Variants in CLSTN2 observed in about 807,000 individuals in gnomAD.
The protein encoded by CLSTN2 is calsyntenin-2.
Under a neutral mutation model 101.2 loss-of-function variants are expected in CLSTN2, and 48 were observed. That is an observed-to-expected ratio of 0.47 (90% confidence interval 0.38 to 0.60). The LOEUF is 0.60. Among genes scored for constraint, CLSTN2 ranks in the 20% least tolerant of loss-of-function variants. The pLI is 0.00. For missense variants in CLSTN2, 1,160 were observed against 1,238.2 expected (o/e 0.94, Z 0.95); for synonymous variants, 481 against 463.6 (o/e 1.04, Z -0.48).
chr3:140,137,949 G>C (rs1014197326), intron 1 of CLSTN2, among the ~76,000 whole-genome samples: 4 of 152,184 alleles, frequency 2.6e-5, no homozygotes, highest in South Asian at 2.1e-4. Flanking sequence ...TTGTGGGCTT[G>C]CTTGCTGTTT....
chr3:140,177,846 G>T (rs2010347983), intron 2 of CLSTN2, among the ~76,000 whole-genome samples: 1 of 152,002 alleles, frequency 6.6e-6, no homozygotes, highest in Non-Finnish European at 1.5e-5. Context: ...CAGGATTATG[G>T]TTTATCTTGA....
chr3:140,367,511 C>CAAA (rs34398474), intron 2 of CLSTN2, among the ~76,000 whole-genome samples: 3 of 96,820 alleles, frequency 3.1e-5, no homozygotes, highest in African/African-American at 1.2e-4. Context: ...CACTTTGTCT[C>CAAA]AAAAAAAAAA....
At chr3:140,329,997 T>C (rs911298708) in intron 2 of CLSTN2, among the ~76,000 whole-genome samples, 2 of 152,182 alleles carry the variant, frequency 1.3e-5, no homozygotes, top group Non-Finnish European at 2.9e-5. Flanking sequence ...GCACCTTTAT[T>C]GTTTAGGGCT....
intron 10 of CLSTN2, among the ~76,000 whole-genome samples, chr3:140,555,421 T>C (rs1208293468): frequency 2.6e-5 from 4 of 152,166 alleles, no homozygotes; most frequent in Non-Finnish European, 5.9e-5. Context: ...AATTTACCAC[T>C]AAGAAACTAA....
intron 1 of CLSTN2, among the ~76,000 whole-genome samples, chr3:140,066,869 A>T (rs760714923): frequency 7.2e-5 from 11 of 152,184 alleles, no homozygotes; most frequent in Non-Finnish European, 1.0e-4. Context: ...CTTTGCTGTG[A>T]TCTCCCTGGA....
At chr3:140,220,046 T>C (rs1362884623) in intron 2 of CLSTN2, among the ~76,000 whole-genome samples, 1 of 152,220 alleles carries the variant, frequency 6.6e-6, no homozygotes, top group Admixed American at 6.5e-5. Flanking sequence ...AGAGCCTGGG[T>C]TCAAATCTAG....
chr3:140,026,124 T>C (rs1045197170), intron 1 of CLSTN2, among the ~76,000 whole-genome samples: 2 of 152,146 alleles, frequency 1.3e-5, no homozygotes, highest in African/African-American at 2.4e-5. Flanking sequence ...TGAGTTCTGT[T>C]TGATGAATTC....
At chr3:139,963,093 T>TGAG (rs1049025983) in intron 1 of CLSTN2, among the ~76,000 whole-genome samples, 2 of 152,124 alleles carry the variant, frequency 1.3e-5, no homozygotes, top group African/African-American at 2.4e-5. Context: ...AAGATGAGAA[T>TGAG]GAGGAGGAGG....
chr3:140,492,441 A>G (rs1026359561), intron 8 of CLSTN2, among the ~76,000 whole-genome samples: 5 of 152,252 alleles, frequency 3.3e-5, no homozygotes, highest in African/African-American at 1.2e-4. Context: ...AGCGGCAATA[A>G]GACATTATCC....
chr3:140,504,684 C>T (rs989665730), intron 8 of CLSTN2, among the ~76,000 whole-genome samples: 1 of 152,212 alleles, frequency 6.6e-6, no homozygotes, highest in Non-Finnish European at 1.5e-5. Context: ...CACACCAAAG[C>T]TTGGAACCAG....
At chr3:140,259,476 AAAAAC>A (rs1335049858) in intron 2 of CLSTN2, among the ~76,000 whole-genome samples, 1 of 152,126 alleles carries the variant, frequency 6.6e-6, no homozygotes, top group Non-Finnish European at 1.5e-5. Context: ...TCCATCTCCA[AAAAAC>A]AAAACAAAAC....
chr3:140,448,457 G>C (rs370930499), intron 5 of CLSTN2, 62 bp from the exon 6 acceptor site: 1 of 1,372,752 alleles, frequency 7.3e-7, no homozygotes, highest in South Asian at 1.3e-5. Flanking sequence ...ATTTCTAAAA[G>C]AAATGTTCCA....
chr3:140,479,396 G>C lies in CLSTN2; in HGVS notation c.1344+12665G>C, dbSNP rs141351838. 1.6e-3 allele frequency among the ~76,000 whole-genome samples: 241 copies of C among 152,186 alleles called. 1 individual carries two copies. The highest frequency in any genetic ancestry group is 4.8e-3 in the African/African-American group (199 of 41,520). On this transcript the variant is annotated intron_variant, in intron 8 of 16. Transcript: ENST00000458420. ...AATTTAACAAAAATCAACAATAACA[G>C]AATCCAGAGTTTCTACTATGTATTA...
intron 7 of CLSTN2, among the ~76,000 whole-genome samples, chr3:140,462,335 C>T (rs546164018): frequency 1.1e-4 from 17 of 151,982 alleles, no homozygotes; most frequent in African/African-American, 3.9e-4. Flanking sequence ...TGTCACTGGC[C>T]CCCTTTCATT....
chr3:140,294,695 C>T (rs1188378672), intron 2 of CLSTN2, among the ~76,000 whole-genome samples: 1 of 152,112 alleles, frequency 6.6e-6, no homozygotes, highest in Non-Finnish European at 1.5e-5. Flanking sequence ...TTCTCTTCCC[C>T]TCTCTCTTTC....
intron 1 of CLSTN2, among the ~76,000 whole-genome samples, chr3:140,060,222 C>T (rs557623954): frequency 4.8e-4 from 73 of 152,154 alleles, no homozygotes; most frequent in Non-Finnish European, 7.8e-4. Context: ...ATATATGTAC[C>T]GTTGTGAAAG....
At chr3:140,374,827 C>T (rs1437991254) in intron 2 of CLSTN2, among the ~76,000 whole-genome samples, 1 of 152,144 alleles carries the variant, frequency 6.6e-6, no homozygotes, top group African/African-American at 2.4e-5. Flanking sequence ...TCAATTTTGC[C>T]TGATTGCTGT....
chr3:139,954,631 T>C (rs541376175), intron 1 of CLSTN2, among the ~76,000 whole-genome samples: 1 of 152,282 alleles, frequency 6.6e-6, no homozygotes, highest in African/African-American at 2.4e-5. Context: ...GCACCTCTGA[T>C]CACAGCCAGA....
chr3:140,028,803 T>C (rs1468194711), intron 1 of CLSTN2, among the ~76,000 whole-genome samples: 5 of 152,170 alleles, frequency 3.3e-5, no homozygotes, highest in Non-Finnish European at 7.3e-5. Flanking sequence ...ATTGGTATTC[T>C]GTTAACACAT....
Sources: allele counts gnomAD v4.1 joint callset (sites outside exome capture counted in the v4.1 genomes callset), GRCh38; gene constraint gnomAD v4.1.1; transcripts MANE v1.5; gene names NCBI Gene and HGNC (gene_info 2026-07-23, HGNC 2026-07-21).